Variants in TAFA5 observed in about 807,000 individuals in gnomAD.
The protein encoded by TAFA5 is TAFA chemokine like family member 5.
In TAFA5, 6 loss-of-function variants were observed where a neutral mutation model predicts 15.3. The ratio of observed to expected loss-of-function variants is 0.39; its 90% CI spans 0.21 to 0.77. The LOEUF is 0.77. TAFA5 is among the 30% of genes least tolerant of loss of function. TAFA5 has a pLI of 0.41. For missense variants in TAFA5, 161 were observed against 193.1 expected (o/e 0.83, Z 0.98); for synonymous variants, 103 against 80.7 (o/e 1.28, Z -1.48).
chr22:48,635,905 G>C (rs1023893733), intron 1 of TAFA5, among the ~76,000 whole-genome samples: 1 of 152,234 alleles, frequency 6.6e-6, no homozygotes, highest in Non-Finnish European at 1.5e-5. Flanking sequence ...ACCTGCTTCT[G>C]TCGGATTTCA....
At chr22:48,717,751 G>A (rs1017787549) in intron 3 of TAFA5, among the ~76,000 whole-genome samples, 10 of 152,338 alleles carry the variant, frequency 6.6e-5, no homozygotes, top group African/African-American at 1.7e-4. Context: ...GGAGCCACAC[G>A]GGGGTGATCA....
At chr22:48,624,198 A>T (rs1116488) in intron 1 of TAFA5, among the ~76,000 whole-genome samples, 1 of 152,092 alleles carries the variant, frequency 6.6e-6, no homozygotes, top group South Asian at 2.1e-4. Flanking sequence ...CATGATTAGA[A>T]TCGGGCTGTG....
Position 48,749,868 on chromosome 22 carries a change from C to T in TAFA5, c.*21C>T. The T allele has an allele frequency of 6.4e-7, 1 of 1,555,050 alleles. No homozygotes were observed. The highest frequency in any genetic ancestry group is 8.7e-7 in the Non-Finnish European group (1 of 1,148,682). ...CCTGACAAACACAGCCCCTGAGGGG[C>T]CCCGGGAGTGGCCTTGGCTCCCTGG... On this transcript the variant is annotated 3_prime_UTR_variant, in exon 4 of 4. Coordinates refer to ENST00000402357, the MANE Select transcript of TAFA5 (RefSeq NM_001082967.3).
intron 1 of TAFA5, among the ~76,000 whole-genome samples, chr22:48,579,959 G>A (rs948737339): frequency 1.2e-4 from 18 of 152,212 alleles, no homozygotes; most frequent in African/African-American, 3.4e-4. Flanking sequence ...ACTCTATCTC[G>A]GTAAATCCTT....
At chr22:48,509,260 G>T (rs1921123417) in intron 1 of TAFA5, among the ~76,000 whole-genome samples, 1 of 152,162 alleles carries the variant, frequency 6.6e-6, no homozygotes. Context: ...GAGTGGTCCT[G>T]CAGGAAACAT....
At chr22:48,747,635 G>A (rs1465735089) in intron 3 of TAFA5, among the ~76,000 whole-genome samples, 2 of 152,162 alleles carry the variant, frequency 1.3e-5, no homozygotes, top group Non-Finnish European at 2.9e-5. Flanking sequence ...AGTGGCTCAT[G>A]CCTGTAATCC....
At chr22:48,591,953 C>A (rs773308564) in intron 1 of TAFA5, among the ~76,000 whole-genome samples, 9 of 152,210 alleles carry the variant, frequency 5.9e-5, no homozygotes, top group Non-Finnish European at 8.8e-5. Flanking sequence ...CCTCACGGCC[C>A]TGAGCGCCCT....
chr22:48,581,238 A>G (rs137929967), intron 1 of TAFA5, among the ~76,000 whole-genome samples: 7,617 of 152,214 alleles, frequency 0.05, 602 homozygotes, highest in African/African-American at 0.17. Flanking sequence ...GTGGCTCATC[A>G]CAGCCTTGCT....
intron 1 of TAFA5, among the ~76,000 whole-genome samples, chr22:48,595,806 C>T (rs1438886504): frequency 6.6e-6 from 1 of 152,278 alleles, no homozygotes; most frequent in African/African-American, 2.4e-5. Flanking sequence ...TCTCCAACTA[C>T]AGCTGAGTTA....
intron 1 of TAFA5, among the ~76,000 whole-genome samples, chr22:48,590,357 G>A (rs977484389): frequency 9.2e-5 from 14 of 152,186 alleles, no homozygotes; most frequent in African/African-American, 3.4e-4. Context: ...GGATGCGGAC[G>A]GGCATTTGTT....
rs1926879944 is a variant in TAFA5 at position 48,646,747 on chromosome 22, G to T, written c.262+1G>T. 6.4e-7 allele frequency: 1 copy of T among 1,570,458 alleles called. No individual in the cohort carries two copies. Among genetic ancestry groups the T allele is most frequent in the South Asian group, 1.1e-5 (1 of 87,614 alleles). Reference sequence around the variant, plus strand: ...AGAGCCCGGCCCGCCTGTGTGGACGGTAAGCACCCGTGGCCCCAGGACCCC... The same window carrying T: ...AGAGCCCGGCCCGCCTGTGTGGACGTTAAGCACCCGTGGCCCCAGGACCCC... On this transcript the variant is annotated splice_donor_variant, in intron 2 of 3. Transcript: ENST00000402357. LOFTEE classifies it high-confidence loss of function.
At chr22:48,735,822 G>C (rs1293360155) in intron 3 of TAFA5, among the ~76,000 whole-genome samples, 2 of 140,408 alleles carry the variant, frequency 1.4e-5, no homozygotes, top group African/African-American at 6.0e-5. Context: ...CTAGAGTCCA[G>C]AGTCCATCCC....
At chr22:48,643,958 C>T (rs1369175365) in intron 1 of TAFA5, among the ~76,000 whole-genome samples, 1 of 152,234 alleles carries the variant, frequency 6.6e-6, no homozygotes, top group African/African-American at 2.4e-5. Flanking sequence ...CAGTGACTTT[C>T]CTTCTGCGTA....
chr22:48,667,618 C>G (rs1427663718), intron 2 of TAFA5, among the ~76,000 whole-genome samples: 2 of 152,210 alleles, frequency 1.3e-5, no homozygotes. Context: ...TGCGTTATAA[C>G]TCCTGCCTGG....
intron 1 of TAFA5, among the ~76,000 whole-genome samples, chr22:48,504,512 C>T (rs1422742128): frequency 4.0e-5 from 6 of 150,976 alleles, no homozygotes; most frequent in Middle Eastern, 3.2e-3. Context: ...CTGGTGAGGC[C>T]GTGAGTCCGG....
intron 2 of TAFA5, among the ~76,000 whole-genome samples, chr22:48,656,120 G>C (rs1009934558): frequency 6.6e-6 from 1 of 151,876 alleles, no homozygotes; most frequent in African/African-American, 2.4e-5. Context: ...GCAATTACAG[G>C]TGTGAGCCAC....
intron 1 of TAFA5, among the ~76,000 whole-genome samples, chr22:48,547,576 T>C (rs1360091107): frequency 6.6e-6 from 1 of 152,156 alleles, no homozygotes; most frequent in Non-Finnish European, 1.5e-5. Flanking sequence ...ATAGTGACAG[T>C]AATGGGGAGA....
At chr22:48,606,592 TC>T (rs1270121329) in intron 1 of TAFA5, among the ~76,000 whole-genome samples, 1 of 152,270 alleles carries the variant, frequency 6.6e-6, no homozygotes, top group Non-Finnish European at 1.5e-5. Context: ...TGTCTGATTT[TC>T]TTCTTTTTAT....
chr22:48,685,475 A>C (rs779539487), intron 2 of TAFA5, among the ~76,000 whole-genome samples: 2 of 152,188 alleles, frequency 1.3e-5, no homozygotes, highest in Non-Finnish European at 2.9e-5. Flanking sequence ...TTTCCTTTAG[A>C]GCCTGCTATG....
Sources: allele counts gnomAD v4.1 joint callset (sites outside exome capture counted in the v4.1 genomes callset), GRCh38; gene constraint gnomAD v4.1.1; transcripts MANE v1.5; gene names NCBI Gene and HGNC (gene_info 2026-07-23, HGNC 2026-07-21).